Variants in SLCO5A1 observed in about 807,000 individuals in gnomAD.
The protein encoded by SLCO5A1 is solute carrier organic anion transporter family member 5A1, also known as organic anion transporter polypeptide-related protein 4.
Under a neutral mutation model 65.1 loss-of-function variants are expected in SLCO5A1, and 39 were observed. The ratio of observed to expected loss-of-function variants is 0.60; its 90% confidence interval spans 0.46 to 0.78. The LOEUF is 0.78. Among genes scored for constraint, SLCO5A1 ranks in the 30% least tolerant of loss-of-function variants. The pLI is 0.00. For missense variants in SLCO5A1, 1,029 were observed against 1,069.4 expected, an observed-to-expected ratio of 0.96 and a Z score of 0.53; for synonymous variants, 438 against 415.7, an observed-to-expected ratio of 1.05 and a Z score of -0.65.
At chr8:69,782,833 A>C (rs373702395) in intron 2 of SLCO5A1, among the ~76,000 whole-genome samples, 1 of 152,282 alleles carries the variant, frequency 6.6e-6, no homozygotes, top group East Asian at 1.9e-4. Context: ...TGTTTTAAAA[A>C]TTTTTAAAGT....
chr8:69,694,927 A>G (rs10504458), intron 6 of SLCO5A1, among the ~76,000 whole-genome samples: 44,059 of 152,054 alleles, frequency 0.29, 6,653 homozygotes, highest in South Asian at 0.38. Context: ...ATTAGATAAT[A>G]AAGATGTAAA....
intron 2 of SLCO5A1, among the ~76,000 whole-genome samples, chr8:69,762,589 A>G (rs774723923): frequency 9.9e-5 from 15 of 152,054 alleles, no homozygotes; most frequent in Non-Finnish European, 2.1e-4. Context: ...CTGAATAACC[A>G]AGAGAAGATT....
intron 5 of SLCO5A1, among the ~76,000 whole-genome samples, chr8:69,737,642 G>C (rs1211043511): frequency 2.6e-5 from 4 of 152,040 alleles, no homozygotes; most frequent in Non-Finnish European, 5.9e-5. Context: ...CATTTCTGAA[G>C]GGGAAATCCT....
intron 2 of SLCO5A1, among the ~76,000 whole-genome samples, chr8:69,802,086 T>C (rs1324722476): frequency 1.3e-5 from 2 of 152,086 alleles, no homozygotes; most frequent in African/African-American, 4.8e-5. Flanking sequence ...TACGAGGTGA[T>C]TGTGGGAGTA....
At chr8:69,784,971 A>AAGAG (rs200165438) in intron 2 of SLCO5A1, among the ~76,000 whole-genome samples, 3 of 150,716 alleles carry the variant, frequency 2.0e-5, no homozygotes, top group Non-Finnish European at 4.4e-5. Context: ...GGAAGAAAGA[A>AAGAG]AGAGAAAGAA....
At chr8:69,790,179 G>A (rs1283878450) in intron 2 of SLCO5A1, among the ~76,000 whole-genome samples, 6 of 139,128 alleles carry the variant, frequency 4.3e-5, no homozygotes, top group South Asian at 2.3e-4. Context: ...GCAACAGAGC[G>A]AGACTCCTTC....
At chr8:69,819,222 G>A (rs759770440) in intron 2 of SLCO5A1, among the ~76,000 whole-genome samples, 25 of 151,768 alleles carry the variant, frequency 1.6e-4, no homozygotes, top group Admixed American at 2.6e-4. Flanking sequence ...GGAATAAACC[G>A]GGCATGCTCA....
intron 2 of SLCO5A1, among the ~76,000 whole-genome samples, chr8:69,764,797 T>C (rs1817977466): frequency 6.6e-6 from 1 of 152,140 alleles, no homozygotes; most frequent in Admixed American, 6.5e-5. Context: ...GTGACATGAA[T>C]CATTCTCCCA....
Position 69,781,433 on chromosome 8 carries a change from G to T in SLCO5A1, c.908-19558C>A, listed in dbSNP as rs1195246332. On this transcript the variant is annotated intron_variant, in intron 2 of 9. Coordinates refer to ENST00000260126, the MANE Select transcript of SLCO5A1 (RefSeq NM_030958.3). Reference sequence around the variant, plus strand: ...TGGTACACTTTAAGTAAGGCTGCCTGCACTAGGGTTCCTTGTAAAGTTTAT... The same window carrying T: ...TGGTACACTTTAAGTAAGGCTGCCTTCACTAGGGTTCCTTGTAAAGTTTAT... Among the ~76,000 whole-genome samples the T allele has an allele frequency of 3.3e-5, 5 of 152,164 alleles. No homozygotes were observed. The South Asian group carries it at 1.0e-3, about 32-fold the overall frequency.
intron 5 of SLCO5A1, among the ~76,000 whole-genome samples, chr8:69,708,675 G>A (rs1815081939): frequency 6.6e-6 from 1 of 152,000 alleles, no homozygotes; most frequent in East Asian, 1.9e-4. Context: ...AGGCCGAGGC[G>A]GGCAGATCAT....
At chr8:69,693,576 C>T (rs1443027380) in intron 6 of SLCO5A1, among the ~76,000 whole-genome samples, 13 of 152,092 alleles carry the variant, frequency 8.5e-5, no homozygotes, top group Non-Finnish European at 1.9e-4. Flanking sequence ...GCATCCAGAA[C>T]CAAAGAAACC....
intron 3 of SLCO5A1, among the ~76,000 whole-genome samples, chr8:69,757,813 T>C (rs543692694): frequency 6.6e-6 from 1 of 152,128 alleles, no homozygotes; most frequent in South Asian, 2.1e-4. Flanking sequence ...CTCACTTGCC[T>C]CTGGAGCCTC....
At chr8:69,748,488 T>C (rs1817138936) in intron 4 of SLCO5A1, among the ~76,000 whole-genome samples, 2 of 151,868 alleles carry the variant, frequency 1.3e-5, no homozygotes, top group African/African-American at 4.8e-5. Flanking sequence ...ATACATACAA[T>C]AAAATAATAG....
chr8:69,832,067 G>C lies in SLCO5A1; in HGVS notation c.607C>G (p.Leu203Val), dbSNP rs1159409264. Residue 203 changes from leucine to valine, a missense_variant, in exon 2 of 10, where the codon CTC becomes GTC. Physicochemically the swap from Leu to Val is conservative, Grantham distance 32. Around this residue, in one of 3 missense-constraint regions of SLCO5A1, gnomAD observed 647 missense variants for 647.5 expected, o/e 1.00. Transcript: ENST00000260126. The surrounding 1 kb of genome is among the most constrained non-coding windows in gnomAD (Gnocchi z 4.5). ...RRPLWLAVGG[L>V]LIAFGAALFA... is the part of the protein sequence containing the mutation. The stretch of plus-strand genomic sequence containing the variant: ...AGGGCTGCCCCGAAGGCGATGAGGA[G>C]TCCACCCACGGCCAGCCACAGGGGC... 1.2e-6 allele frequency: 2 copies of C among 1,613,278 alleles called. No individual in the cohort carries two copies. Among genetic ancestry groups the C allele is most frequent in the Non-Finnish European group, 1.7e-6 (2 of 1,179,950 alleles).
intron 2 of SLCO5A1, among the ~76,000 whole-genome samples, chr8:69,803,008 T>C (rs12542317): frequency 0.68 from 102,636 of 152,040 alleles, 35,754 homozygotes; most frequent in African/African-American, 0.86. Context: ...ATGAATGAAG[T>C]CTGTGAACAT....
intron 2 of SLCO5A1, among the ~76,000 whole-genome samples, chr8:69,793,565 G>T (rs980666100): frequency 3.3e-5 from 5 of 152,066 alleles, no homozygotes; most frequent in Admixed American, 2.6e-4. Context: ...ATCCTCTTGA[G>T]GTCAGGAGTT....
chr8:69,747,823 C>T (rs1015899009), intron 4 of SLCO5A1, among the ~76,000 whole-genome samples: 2 of 152,238 alleles, frequency 1.3e-5, no homozygotes, highest in African/African-American at 4.8e-5. Flanking sequence ...TTAGTAACTT[C>T]TATGGCCTGT....
chr8:69,702,357 C>T (rs1814778314), intron 6 of SLCO5A1, among the ~76,000 whole-genome samples: 1 of 152,160 alleles, frequency 6.6e-6, no homozygotes, highest in Admixed American at 6.5e-5. Context: ...ATTAAGCAAC[C>T]AGCCAAGCAG....
intron 2 of SLCO5A1, among the ~76,000 whole-genome samples, chr8:69,765,081 T>C (rs1048567119): frequency 6.6e-6 from 1 of 152,218 alleles, no homozygotes; most frequent in Non-Finnish European, 1.5e-5. Flanking sequence ...ATTTCTATTA[T>C]ATAGCAAGCA....
Sources: allele counts gnomAD v4.1 joint callset (sites outside exome capture counted in the v4.1 genomes callset), GRCh38; gene constraint gnomAD v4.1.1; regional missense constraint gnomAD v4.1.1; non-coding constraint Gnocchi (gnomAD v3.1); transcripts MANE v1.5; gene names NCBI Gene and HGNC (gene_info 2026-07-23, HGNC 2026-07-21).